ARHGAP32: variants seen among roughly 807,000 people sequenced by gnomAD.
ARHGAP32 encodes the protein Rho GTPase activating protein 32.
A neutral mutation model predicts 186.5 loss-of-function variants in ARHGAP32; 51 were observed. The observed-to-expected ratio is 0.27, with a 90% confidence interval of 0.22 to 0.35. ARHGAP32 has a LOEUF of 0.35. Among genes scored for constraint, ARHGAP32 ranks in the 10% least tolerant of loss-of-function variants. The pLI, the probability that ARHGAP32 is intolerant of heterozygous loss-of-function variation, is 1.00. For synonymous variants in ARHGAP32, 950 were observed against 964.3 expected, an observed-to-expected ratio of 0.99 and a Z score of 0.27; for missense variants, 2,186 against 2,623.5, an observed-to-expected ratio of 0.83 and a Z score of 3.64.
chr11:129,209,049 A>C (rs898247306), intron 1 of ARHGAP32, among the ~76,000 whole-genome samples: 8 of 152,174 alleles, frequency 5.3e-5, no homozygotes, highest in Non-Finnish European at 1.2e-4. Context: ...TTTTCCAAGG[A>C]AAAACTCTTA....
At chr11:128,978,416 A>T (rs965366237) in intron 19 of ARHGAP32, among the ~76,000 whole-genome samples, 32 of 152,196 alleles carry the variant, frequency 2.1e-4, no homozygotes, top group African/African-American at 7.0e-4. Context: ...GTTATGTTGA[A>T]ACAGTTTTGA....
At chr11:129,119,674 G>C (rs2135370017) in intron 5 of ARHGAP32, among the ~76,000 whole-genome samples, 1 of 152,194 alleles carries the variant, frequency 6.6e-6, no homozygotes, top group South Asian at 2.1e-4. Context: ...AAGAGAGGGA[G>C]ATGAGGAATG....
intron 1 of ARHGAP32, among the ~76,000 whole-genome samples, chr11:129,216,904 AG>A (rs1413981753): frequency 6.6e-6 from 1 of 151,796 alleles, no homozygotes; most frequent in African/African-American, 2.4e-5. Flanking sequence ...AATTTACTGA[AG>A]TTTTTTTTTC....
intron 10 of ARHGAP32, among the ~76,000 whole-genome samples, chr11:129,049,513 C>A (rs1273928622): frequency 6.6e-6 from 1 of 152,206 alleles, no homozygotes; most frequent in African/African-American, 2.4e-5. Flanking sequence ...CCTTATATCT[C>A]TTTGTAATCC....
intron 5 of ARHGAP32, among the ~76,000 whole-genome samples, chr11:129,106,747 G>GA (rs1212970574): frequency 6.6e-6 from 1 of 151,898 alleles, no homozygotes; most frequent in African/African-American, 2.4e-5. Flanking sequence ...GAAGAAGAAA[G>GA]AATCAGTCAC....
At chr11:129,233,657 G>C (rs1344230727) in intron 1 of ARHGAP32, among the ~76,000 whole-genome samples, 1 of 151,006 alleles carries the variant, frequency 6.6e-6, no homozygotes, top group African/African-American at 2.4e-5. Flanking sequence ...TAAATGTTTT[G>C]GGGATAATGG....
intron 1 of ARHGAP32, among the ~76,000 whole-genome samples, chr11:129,209,439 AT>A (rs1272416735): frequency 6.6e-6 from 1 of 151,214 alleles, no homozygotes; most frequent in East Asian, 1.9e-4. Context: ...AGTAAGATAT[AT>A]AAAAAAAAGT....
chr11:129,265,159 G>A (rs1410011212), intron 1 of ARHGAP32, among the ~76,000 whole-genome samples: 2 of 152,160 alleles, frequency 1.3e-5, no homozygotes. Context: ...GAGGGAAGTG[G>A]ACAAATTAAG....
chr11:129,135,483 G>A (rs184049678), intron 2 of ARHGAP32, among the ~76,000 whole-genome samples: 6 of 152,212 alleles, frequency 3.9e-5, no homozygotes, highest in African/African-American at 9.6e-5. Context: ...AAAAATGAAC[G>A]CTGGCCGGGC....
At chr11:129,080,895 A>G (rs1565412290) in intron 6 of ARHGAP32, among the ~76,000 whole-genome samples, 1 of 152,100 alleles carries the variant, frequency 6.6e-6, no homozygotes, top group African/African-American at 2.4e-5. Flanking sequence ...AGATCCAACT[A>G]AGCTGAATTA....
In ARHGAP32 at chr11:128,970,997, C is replaced by T. The variant is rs1208853442; in HGVS notation, c.4216G>A (p.Val1406Ile). The part of the protein sequence containing the change: ...LPEKVRDGAR[V>I]PLLHLRAESV... ...TCGGCGCGCAGGTGCAGCAGCGGGACCCGGGCACCGTCCCGCACTTTCTCA... is the reference window on the plus strand; with the variant it reads ...TCGGCGCGCAGGTGCAGCAGCGGGATCCGGGCACCGTCCCGCACTTTCTCA... Residue 1406 changes from valine (V) to isoleucine (I), a missense_variant, in exon 23 of 23, where the codon GTC becomes ATC. Physicochemically the swap from Val to Ile is conservative, Grantham distance 29 (BLOSUM62 3). Around this residue, in one of 5 missense-constraint regions of ARHGAP32, gnomAD observed 1,502 missense variants for 1,570.0 expected, o/e 0.96. Coordinates refer to ENST00000682385, the MANE Select transcript of ARHGAP32 (RefSeq NM_001378024.1). The surrounding 1 kb of genome is among the most constrained non-coding windows in gnomAD (Gnocchi z 5.8). 1 of 1,613,700 alleles carries T rather than the reference C, an allele frequency of 6.2e-7. No individual in the cohort carries two copies. The highest frequency in any genetic ancestry group is 1.3e-5 in the African/African-American group (1 of 75,028).
chr11:129,078,070 A>AT (rs1404821240), intron 6 of ARHGAP32, among the ~76,000 whole-genome samples: 1 of 152,154 alleles, frequency 6.6e-6, no homozygotes, highest in Non-Finnish European at 1.5e-5. Flanking sequence ...AGCCCACTTC[A>AT]TTCCTCTGCT....
intron 6 of ARHGAP32, among the ~76,000 whole-genome samples, chr11:129,085,061 T>C (rs1397555977): frequency 6.6e-6 from 1 of 152,036 alleles, no homozygotes; most frequent in Non-Finnish European, 1.5e-5. Flanking sequence ...TCTCACTCTG[T>C]CATCCAGGCT....
At chr11:129,221,684 G>C (rs917933184) in intron 1 of ARHGAP32, among the ~76,000 whole-genome samples, 1 of 151,822 alleles carries the variant, frequency 6.6e-6, no homozygotes, top group African/African-American at 2.4e-5. Flanking sequence ...GGACAAACAG[G>C]CTTTCCGGAG....
intron 1 of ARHGAP32, among the ~76,000 whole-genome samples, chr11:129,205,689 T>C (rs1944506505): frequency 6.6e-6 from 1 of 152,120 alleles, no homozygotes; most frequent in African/African-American, 2.4e-5. Context: ...AATATAACAA[T>C]AAAAGAAAAG....
chr11:129,167,527 T>C (rs191575437), intron 1 of ARHGAP32, among the ~76,000 whole-genome samples: 1 of 152,258 alleles, frequency 6.6e-6, no homozygotes, highest in African/African-American at 2.4e-5. Context: ...TAAAATATTA[T>C]TCAGTCATTA....
chr11:128,989,066 CAAAT>C (rs1361032885), intron 12 of ARHGAP32, among the ~76,000 whole-genome samples: 2 of 152,050 alleles, frequency 1.3e-5, no homozygotes, highest in East Asian at 3.8e-4. Flanking sequence ...GCAAATGAAA[CAAAT>C]AAGGCATTTT....
At chr11:129,244,853 C>G (rs1591715950) in intron 1 of ARHGAP32, among the ~76,000 whole-genome samples, 2 of 151,900 alleles carry the variant, frequency 1.3e-5, no homozygotes, top group Middle Eastern at 3.4e-3. Flanking sequence ...AAAAAATGCT[C>G]ACCATCACTG....
intron 1 of ARHGAP32, among the ~76,000 whole-genome samples, chr11:129,271,718 CA>C (rs1945474569): frequency 6.6e-6 from 1 of 152,034 alleles, no homozygotes; most frequent in Non-Finnish European, 1.5e-5. Context: ...GATAAACTGG[CA>C]AAAGCATATA....
Sources: gnomAD v4.1 joint callset for allele counts (sites outside exome capture counted in the v4.1 genomes callset) on GRCh38, gnomAD v4.1.1 for gene constraint, gnomAD v4.1.1 regional missense constraint, Gnocchi (gnomAD v3.1) non-coding constraint, MANE v1.5 for transcripts, NCBI Gene and HGNC (gene_info 2026-07-23, HGNC 2026-07-21) for gene names.